BTBD7: variants seen among roughly 807,000 people sequenced by gnomAD.
The protein encoded by BTBD7 is BTB domain containing 7, also known as BTB/POZ domain-containing protein 7.
BTBD7 carries 38 observed loss-of-function variants against 99.9 expected under a neutral mutation model. The observed-to-expected ratio is 0.38, with a 90% CI of 0.29 to 0.50. The LOEUF is 0.50. BTBD7 is among the 20% of genes least tolerant of loss of function. The pLI, the probability that BTBD7 is intolerant of heterozygous loss-of-function variation, is 0.93. For missense variants in BTBD7, 1,170 were observed against 1,394.6 expected (o/e 0.84, Z 2.57); for synonymous variants, 520 against 511.4 (o/e 1.02, Z -0.23).
intron 1 of BTBD7, among the ~76,000 whole-genome samples, chr14:93,312,551 A>G (rs1449551128): frequency 6.6e-6 from 1 of 152,174 alleles, no homozygotes; most frequent in Non-Finnish European, 1.5e-5. Context: ...GTGTGTTCTG[A>G]GCTAGGGAAT....
In BTBD7 at chr14:93,263,000, T is replaced by G. The variant is rs1473274522; in HGVS notation, c.1371+785A>C. Among the ~76,000 whole-genome samples the G allele has an allele frequency of 4.6e-5, 7 of 152,246 alleles. No homozygotes were observed. In the East Asian group the frequency reaches 1.3e-3, roughly 29 times the overall value. ...ACAAAGGAAAAGCACAGATGCTGAG[T>G]GTATTATTTAACTCTCCACTGCATT... On this transcript the variant is annotated intron_variant, in intron 4 of 10. Coordinates refer to ENST00000334746, the MANE Select transcript of BTBD7 (RefSeq NM_001002860.4).
At chr14:93,303,672 G>A (rs1193721057) in intron 1 of BTBD7, among the ~76,000 whole-genome samples, 3 of 152,184 alleles carry the variant, frequency 2.0e-5, no homozygotes, top group African/African-American at 7.2e-5. Flanking sequence ...CGTTAAGAAT[G>A]AATGTGGCTG....
chr14:93,289,537 T>C (rs2052821912), intron 3 of BTBD7, among the ~76,000 whole-genome samples: 1 of 152,228 alleles, frequency 6.6e-6, no homozygotes, highest in African/African-American at 2.4e-5. Flanking sequence ...ATCAAGTCTC[T>C]ATCTGCTTTC....
At chr14:93,274,086 G>A (rs1332296027) in intron 3 of BTBD7, among the ~76,000 whole-genome samples, 1 of 152,210 alleles carries the variant, frequency 6.6e-6, no homozygotes, top group Non-Finnish European at 1.5e-5. Context: ...CTGGGATGAA[G>A]GTCTGGCTCA....
rs2052193864 is a variant in BTBD7 at position 93,239,292 on chromosome 14, C to T, written c.*2981G>A. 6.6e-6 allele frequency: 1 copy of T among 152,590 alleles called. No homozygotes were observed. The highest frequency in any genetic ancestry group is 2.1e-4 in the South Asian group (1 of 4,826). 9.5% of individuals were successfully genotyped at this position (152,590 alleles called of 1,614,324 possible). ...GTAAACGGTAGGTCTCTAACCTCAACGCACAGCGGGCACTGGAAGCGGTGA... is the reference window on the plus strand; with the variant it reads ...GTAAACGGTAGGTCTCTAACCTCAATGCACAGCGGGCACTGGAAGCGGTGA... On this transcript the variant is annotated 3_prime_UTR_variant, in exon 11 of 11. Transcript: ENST00000334746.
intron 3 of BTBD7, among the ~76,000 whole-genome samples, chr14:93,269,818 C>G (rs1203266983): frequency 6.6e-6 from 1 of 152,138 alleles, no homozygotes; most frequent in African/African-American, 2.4e-5. Flanking sequence ...ACTGGGCTTG[C>G]CTTCTTCCCT....
At chr14:93,295,361 C>A (rs768778658) in intron 2 of BTBD7, among the ~76,000 whole-genome samples, 4 of 152,134 alleles carry the variant, frequency 2.6e-5, no homozygotes, top group African/African-American at 4.8e-5. Flanking sequence ...CTGTCCTGGC[C>A]TCATGCAATC....
At chr14:93,325,079 T>C (rs996593192) in intron 1 of BTBD7, among the ~76,000 whole-genome samples, 4 of 151,560 alleles carry the variant, frequency 2.6e-5, no homozygotes, top group Non-Finnish European at 5.9e-5. Flanking sequence ...AACAAAGGTA[T>C]TTTAAGTAGA....
intron 3 of BTBD7, among the ~76,000 whole-genome samples, chr14:93,284,031 G>A (rs1254826793): frequency 1.3e-5 from 2 of 151,542 alleles, no homozygotes; most frequent in Non-Finnish European, 2.9e-5. Context: ...AACATTCTGA[G>A]TTATATAATT....
intron 1 of BTBD7, among the ~76,000 whole-genome samples, chr14:93,311,985 A>G (rs954858897): frequency 6.6e-6 from 1 of 152,022 alleles, no homozygotes; most frequent in African/African-American, 2.4e-5. Context: ...ACATCCAAAG[A>G]ATACAAATTG....
intron 1 of BTBD7, among the ~76,000 whole-genome samples, chr14:93,302,760 G>T (rs900354006): frequency 1.3e-5 from 2 of 152,090 alleles, no homozygotes; most frequent in Non-Finnish European, 2.9e-5. Context: ...CAGAAGAATC[G>T]CTTGAACCCA....
At chr14:93,254,333 G>T (rs1052449711) in intron 6 of BTBD7, among the ~76,000 whole-genome samples, 1 of 152,062 alleles carries the variant, frequency 6.6e-6, no homozygotes, top group African/African-American at 2.4e-5. Context: ...TTTTAAAAAC[G>T]AGACACATTA....
rs546963322 is a variant in BTBD7 at position 93,259,882 on chromosome 14, T to C, written c.1447+1720A>G. Among the ~76,000 whole-genome samples, 19 of 152,216 alleles carry C rather than the reference T, an allele frequency of 1.2e-4. No individual in the cohort carries two copies. The East Asian group carries it at 3.5e-3, about 28-fold the overall frequency. On this transcript the variant is annotated intron_variant, in intron 5 of 10. Coordinates refer to ENST00000334746, the MANE Select transcript of BTBD7 (RefSeq NM_001002860.4). ...CCGGGAGGCAGAGGTTGCAGCGAGCTGAGATCGCGCCACTGTACTCCAGCC... is the reference window on the plus strand; with the variant it reads ...CCGGGAGGCAGAGGTTGCAGCGAGCCGAGATCGCGCCACTGTACTCCAGCC...
At chr14:93,269,916 C>T (rs1236875008) in intron 3 of BTBD7, among the ~76,000 whole-genome samples, 3 of 152,090 alleles carry the variant, frequency 2.0e-5, no homozygotes. Context: ...CCCTGCTGAT[C>T]CACAGTGGCA....
chr14:93,267,942 AAT>A (rs907862221), intron 3 of BTBD7, among the ~76,000 whole-genome samples: 8 of 152,172 alleles, frequency 5.3e-5, no homozygotes, highest in Non-Finnish European at 1.0e-4. Context: ...TTAAAATGTA[AAT>A]TATATATGGC....
intron 1 of BTBD7, among the ~76,000 whole-genome samples, chr14:93,301,619 T>G (rs751330334): frequency 3.9e-5 from 6 of 152,010 alleles, no homozygotes; most frequent in Non-Finnish European, 7.4e-5. Context: ...GTGCCAGGAG[T>G]TCGAGGCTGC....
chr14:93,254,617 C>T (rs2052409286), intron 6 of BTBD7, among the ~76,000 whole-genome samples: 1 of 152,178 alleles, frequency 6.6e-6, no homozygotes, highest in South Asian at 2.1e-4. Flanking sequence ...CTGGGCTTCA[C>T]TTTAAGGGCT....
At chr14:93,295,126 AGAGATG>A (rs565250017) in intron 2 of BTBD7, among the ~76,000 whole-genome samples, 189 bp from the exon 3 acceptor site, 129 of 152,274 alleles carry the variant, frequency 8.5e-4, no homozygotes, top group African/African-American at 3.0e-3. Flanking sequence ...TTTAATTTTT[AGAGATG>A]GAGTCTCACT....
intron 3 of BTBD7, among the ~76,000 whole-genome samples, chr14:93,280,151 G>C (rs1189137882): frequency 2.6e-5 from 4 of 152,136 alleles, no homozygotes; most frequent in Non-Finnish European, 5.9e-5. Flanking sequence ...TATCAATCTA[G>C]GGTTTAAGAT....
Sources: gnomAD v4.1 joint callset for allele counts (sites outside exome capture counted in the v4.1 genomes callset) on GRCh38, gnomAD v4.1.1 for gene constraint, MANE v1.5 for transcripts, NCBI Gene and HGNC (gene_info 2026-07-23, HGNC 2026-07-21) for gene names.